Variants in MAML3 observed in about 807,000 individuals in gnomAD.
The protein encoded by MAML3 is mastermind like transcriptional coactivator 3, also known as mastermind-like protein 3.
Under a neutral mutation model 101.9 loss-of-function variants are expected in MAML3, and 27 were observed. The observed-to-expected ratio is 0.27, with a 90% CI of 0.20 to 0.37. MAML3 has a LOEUF of 0.37. Among genes scored for constraint, MAML3 ranks in the 10% least tolerant of loss-of-function variants. The probability of loss-of-function intolerance (pLI) is 1.00; values close to 1 mark genes in which losing one functional copy is unlikely to be tolerated. For synonymous variants in MAML3, 501 were observed against 555.9 expected (o/e 0.90, Z 1.39); for missense variants, 1,316 against 1,444.9 (o/e 0.91, Z 1.45).
chr4:139,892,469 T>C (rs1732518983), intron 1 of MAML3, among the ~76,000 whole-genome samples: 1 of 152,166 alleles, frequency 6.6e-6, no homozygotes, highest in South Asian at 2.1e-4. Flanking sequence ...GATACCATTA[T>C]CTCTTACTAG....
At chr4:139,808,936 G>A (rs1730745189) in intron 2 of MAML3, among the ~76,000 whole-genome samples, 1 of 152,182 alleles carries the variant, frequency 6.6e-6, no homozygotes, top group South Asian at 2.1e-4. Context: ...GTGTGTTTGT[G>A]AGTGTGCATG....
chr4:140,010,678 G>GA (rs1338803785), intron 1 of MAML3, among the ~76,000 whole-genome samples: 8 of 151,956 alleles, frequency 5.3e-5, no homozygotes, highest in Admixed American at 1.3e-4. Context: ...CTCATGTTAG[G>GA]AAAAATCCTT....
intron 1 of MAML3, among the ~76,000 whole-genome samples, chr4:139,914,572 C>T (rs985571548): frequency 6.6e-6 from 1 of 152,112 alleles, no homozygotes; most frequent in Admixed American, 6.5e-5. Context: ...AGACTGTGAG[C>T]TTAGACCTCC....
intron 1 of MAML3, among the ~76,000 whole-genome samples, chr4:140,044,172 T>C (rs1727141725): frequency 6.6e-6 from 1 of 151,696 alleles, no homozygotes; most frequent in South Asian, 2.1e-4. Flanking sequence ...CAATGAGGGC[T>C]ATGGGCCCGA....
chr4:140,106,910 G>A (rs1424431574), intron 1 of MAML3, among the ~76,000 whole-genome samples: 18 of 152,106 alleles, frequency 1.2e-4, no homozygotes, highest in East Asian at 3.9e-4. Flanking sequence ...CGCTCTTGTC[G>A]CCCAGGCTTG....
In MAML3 at chr4:139,719,229, A is replaced by G. The variant is rs943382031; in HGVS notation, c.*94T>C. Reference sequence around the variant, plus strand: ...AGTTTTGCTCAGTTTACGTGGGTCAAAAAAACAAAAAACAAGGATGGGTCA... The same window carrying G: ...AGTTTTGCTCAGTTTACGTGGGTCAGAAAAACAAAAAACAAGGATGGGTCA... On this transcript the variant is annotated 3_prime_UTR_variant, in exon 5 of 5. Transcript: ENST00000509479. The G allele has an allele frequency of 6.9e-7, 1 of 1,447,100 alleles. No homozygotes were observed. Among genetic ancestry groups the G allele is most frequent in the South Asian group, 1.5e-5 (1 of 67,446 alleles). The allele number at this position is 1,447,100 out of a possible 1,614,324, so 89.6% of individuals were successfully genotyped here. A position where few individuals can be genotyped will look rare whatever the true frequency, so the allele number is the denominator to read the frequency against.
intron 1 of MAML3, among the ~76,000 whole-genome samples, chr4:139,897,861 C>T (rs950948264): frequency 2.0e-5 from 3 of 152,204 alleles, no homozygotes; most frequent in East Asian, 1.9e-4. Flanking sequence ...TCATCTTCCC[C>T]GACTTACCCC....
intron 2 of MAML3, among the ~76,000 whole-genome samples, chr4:139,773,622 C>G (rs1730038551): frequency 6.6e-6 from 1 of 152,150 alleles, no homozygotes; most frequent in Non-Finnish European, 1.5e-5. Context: ...TAAATGGGTA[C>G]AGAAGATGAG....
At chr4:140,120,826 G>T (rs1230541570) in intron 1 of MAML3, among the ~76,000 whole-genome samples, 5 of 152,140 alleles carry the variant, frequency 3.3e-5, no homozygotes, top group Non-Finnish European at 7.3e-5. Flanking sequence ...CTGCAGTAAC[G>T]TTCGGTTCAC....
chr4:139,767,224 C>T (rs916943487), intron 2 of MAML3, among the ~76,000 whole-genome samples: 3 of 152,190 alleles, frequency 2.0e-5, no homozygotes, highest in Non-Finnish European at 4.4e-5. Flanking sequence ...CACGGAATCT[C>T]TTTTGGTGGC....
chr4:139,895,804 C>T (rs909034978), intron 1 of MAML3, among the ~76,000 whole-genome samples: 5 of 152,180 alleles, frequency 3.3e-5, no homozygotes, highest in Non-Finnish European at 5.9e-5. Flanking sequence ...GAGGCTAGAT[C>T]GTTGAGGTTC....
At chr4:139,852,474 G>A (rs1731578244) in intron 2 of MAML3, among the ~76,000 whole-genome samples, 1 of 136,938 alleles carries the variant, frequency 7.3e-6, no homozygotes, top group Non-Finnish European at 1.5e-5. Context: ...GTGCAGTGGT[G>A]AGATCTTGGC....
At chr4:139,761,277 A>G (rs1393163534) in intron 2 of MAML3, among the ~76,000 whole-genome samples, 1 of 152,312 alleles carries the variant, frequency 6.6e-6, no homozygotes, top group East Asian at 1.9e-4. Flanking sequence ...ACAGCTTTCT[A>G]AAAGTCTTCA....
chr4:139,984,254 A>G (rs189595406), intron 1 of MAML3, among the ~76,000 whole-genome samples: 14 of 152,232 alleles, frequency 9.2e-5, no homozygotes, highest in African/African-American at 2.4e-4. Context: ...ATATATTGCA[A>G]ATGCGGAGAT....
chr4:139,837,804 C>G (rs1156772374), intron 2 of MAML3, among the ~76,000 whole-genome samples: 1 of 151,780 alleles, frequency 6.6e-6, no homozygotes, highest in Non-Finnish European at 1.5e-5. Context: ...CCTGTAATCC[C>G]AGTTACTTGG....
At chr4:139,905,891 T>C (rs1014902923) in intron 1 of MAML3, among the ~76,000 whole-genome samples, 1 of 152,188 alleles carries the variant, frequency 6.6e-6, no homozygotes, top group East Asian at 1.9e-4. Flanking sequence ...TACTGTCACA[T>C]TTTGAGAAAC....
At chr4:140,071,744 G>A (rs1470918715) in intron 1 of MAML3, among the ~76,000 whole-genome samples, 1 of 112,432 alleles carries the variant, frequency 8.9e-6, no homozygotes, top group Non-Finnish European at 1.9e-5. Flanking sequence ...TAATTTTACA[G>A]GGACCAGGAT....
At chr4:140,115,749 T>C (rs1728507480) in intron 1 of MAML3, among the ~76,000 whole-genome samples, 1 of 152,232 alleles carries the variant, frequency 6.6e-6, no homozygotes, top group Non-Finnish European at 1.5e-5. Context: ...AAAACATTTG[T>C]AGGGCAAAAT....
chr4:139,872,382 A>C (rs1038441236), intron 2 of MAML3, among the ~76,000 whole-genome samples: 5 of 152,206 alleles, frequency 3.3e-5, no homozygotes, highest in Non-Finnish European at 4.4e-5. Context: ...AATGGAAAGA[A>C]AAGCCTGACG....
Sources: gnomAD v4.1 joint callset for allele counts (sites outside exome capture counted in the v4.1 genomes callset) on GRCh38, gnomAD v4.1.1 for gene constraint, MANE v1.5 for transcripts, NCBI Gene and HGNC (gene_info 2026-07-23, HGNC 2026-07-21) for gene names.